The following METTL24 variants were observed in gnomAD, a reference collection of about 807,000 sequenced individuals.
The protein encoded by METTL24 is methyltransferase like 24.
In METTL24, 29 loss-of-function variants were observed where a neutral mutation model predicts 32.7. The observed-to-expected ratio is 0.89, with a 90% CI of 0.66 to 1.21. The LOEUF (loss-of-function observed/expected upper bound fraction) is 1.21, where lower values mean the gene tolerates loss of function less well. METTL24 is among the 50% of genes most tolerant of loss of function. The pLI is 0.00. For missense variants in METTL24, 439 were observed against 468.1 expected (o/e 0.94, Z 0.57); for synonymous variants, 163 against 179.5 (o/e 0.91, Z 0.73).
At chr6:110,325,663 G>T (rs1772004792) in intron 1 of METTL24, among the ~76,000 whole-genome samples, 1 of 152,186 alleles carries the variant, frequency 6.6e-6, no homozygotes, top group Non-Finnish European at 1.5e-5. Flanking sequence ...GTAAAATGGG[G>T]TCTTTGTCAG....
chr6:110,357,413 A>G (rs1351744162), intron 1 of METTL24: 2 of 152,208 alleles, frequency 1.3e-5, no homozygotes, highest in African/African-American at 4.8e-5. Flanking sequence ...CCAGCCTCCC[A>G]GCCCCCAGCC....
At chr6:110,289,456 G>A (rs975900204) in intron 4 of METTL24, among the ~76,000 whole-genome samples, 1 of 150,728 alleles carries the variant, frequency 6.6e-6, no homozygotes, top group East Asian at 1.9e-4. Flanking sequence ...ATACCAATTA[G>A]AAACCTTGGA....
chr6:110,301,715 G>A (rs1202588827), intron 3 of METTL24, among the ~76,000 whole-genome samples: 1 of 152,114 alleles, frequency 6.6e-6, no homozygotes, highest in Non-Finnish European at 1.5e-5. Flanking sequence ...AGTAAATAAC[G>A]GTGATTGTTA....
intron 1 of METTL24, among the ~76,000 whole-genome samples, chr6:110,334,412 C>T (rs991512802): frequency 2.6e-5 from 4 of 152,138 alleles, no homozygotes; most frequent in African/African-American, 9.7e-5. Flanking sequence ...GCAGCAGCAT[C>T]CCACAGCCAC....
At chr6:110,333,573 G>A (rs945023221) in intron 1 of METTL24, among the ~76,000 whole-genome samples, 4 of 152,088 alleles carry the variant, frequency 2.6e-5, no homozygotes, top group Non-Finnish European at 5.9e-5. Context: ...TCCTGCCTCA[G>A]CTTCCCGAGT....
intron 1 of METTL24, among the ~76,000 whole-genome samples, chr6:110,336,612 C>T (rs779970444): frequency 1.3e-5 from 2 of 151,862 alleles, no homozygotes; most frequent in African/African-American, 2.4e-5. Context: ...TGGTGGCGGG[C>T]GCCTGTAGCC....
intron 4 of METTL24, among the ~76,000 whole-genome samples, chr6:110,272,710 T>C (rs1334167238): frequency 6.6e-6 from 1 of 152,244 alleles, no homozygotes; most frequent in Admixed American, 6.5e-5. Context: ...TGCATTTCCC[T>C]GATAATTAGT....
intron 4 of METTL24, among the ~76,000 whole-genome samples, chr6:110,247,507 A>G (rs778788282): frequency 2.0e-5 from 3 of 152,216 alleles, no homozygotes; most frequent in Non-Finnish European, 4.4e-5. Flanking sequence ...ATTATTATCA[A>G]TATTGCCACT....
At chr6:110,275,638 C>T (rs1771034270) in intron 4 of METTL24, among the ~76,000 whole-genome samples, 1 of 152,150 alleles carries the variant, frequency 6.6e-6, no homozygotes, top group African/African-American at 2.4e-5. Flanking sequence ...GGGCAAGGAC[C>T]TTCAGCATGC....
intron 1 of METTL24, among the ~76,000 whole-genome samples, chr6:110,325,045 C>T (rs766842745): frequency 1.1e-4 from 17 of 152,140 alleles, no homozygotes; most frequent in African/African-American, 4.1e-4. Flanking sequence ...CAAATGCCTC[C>T]AGTCCTGCTT....
chr6:110,294,070 A>T (rs1035601748), intron 4 of METTL24, among the ~76,000 whole-genome samples: 5 of 152,102 alleles, frequency 3.3e-5, no homozygotes, highest in African/African-American at 4.8e-5. Flanking sequence ...GATTAAACTC[A>T]CATACACAGA....
intron 3 of METTL24, among the ~76,000 whole-genome samples, chr6:110,307,950 A>G (rs143302353): frequency 1.3e-5 from 2 of 152,242 alleles, no homozygotes; most frequent in Non-Finnish European, 2.9e-5. Context: ...ACTTTTCAAC[A>G]TAGAAGGACC....
intron 4 of METTL24, among the ~76,000 whole-genome samples, chr6:110,270,287 C>G (rs1188673288): frequency 2.0e-5 from 3 of 151,722 alleles, no homozygotes; most frequent in Admixed American, 2.0e-4. Flanking sequence ...ACTCATCCTC[C>G]TTCCTTAAAG....
intron 1 of METTL24, among the ~76,000 whole-genome samples, chr6:110,345,407 G>A (rs1562244604): frequency 6.6e-6 from 1 of 152,124 alleles, no homozygotes; most frequent in Admixed American, 6.5e-5. Flanking sequence ...ACCATTCAAC[G>A]CAGCAAAACC....
intron 1 of METTL24, among the ~76,000 whole-genome samples, chr6:110,350,585 T>C (rs979481289): frequency 1.3e-5 from 2 of 151,680 alleles, no homozygotes; most frequent in Non-Finnish European, 2.9e-5. Context: ...AGAACCCTAA[T>C]TGGTATCATG....
At chr6:110,348,233 A>T (rs1357529579) in intron 1 of METTL24, among the ~76,000 whole-genome samples, 1 of 152,202 alleles carries the variant, frequency 6.6e-6, no homozygotes, top group African/African-American at 2.4e-5. Context: ...CTTTTTTTCA[A>T]AGGAAGAAAC....
chr6:110,357,922 C>T (rs752509569), intron 1 of METTL24, 33 bp downstream of exon 1: 2 of 1,190,142 alleles, frequency 1.7e-6, no homozygotes, highest in East Asian at 3.5e-5. Context: ...GGCTTCTGGT[C>T]CCAGGCCCAA....
At chr6:110,313,167 G>A (rs913844466) in intron 3 of METTL24, among the ~76,000 whole-genome samples, 2 of 152,164 alleles carry the variant, frequency 1.3e-5, no homozygotes, top group African/African-American at 2.4e-5. Flanking sequence ...AAGCAGAGTA[G>A]GGTGACTACC....
intron 1 of METTL24, among the ~76,000 whole-genome samples, chr6:110,333,178 C>T (rs543995317): frequency 6.6e-6 from 1 of 152,234 alleles, no homozygotes; most frequent in Admixed American, 6.5e-5. Flanking sequence ...GTTACCCTTC[C>T]CCCAAACATT....
Sources: allele counts gnomAD v4.1 joint callset (sites outside exome capture counted in the v4.1 genomes callset), GRCh38; gene constraint gnomAD v4.1.1; transcripts MANE v1.5; gene names NCBI Gene and HGNC (gene_info 2026-07-23, HGNC 2026-07-21).